CD8B: variants seen among roughly 807,000 people sequenced by gnomAD.
CD8B encodes the protein T-cell surface glycoprotein CD8 beta chain.
A neutral mutation model predicts 24.2 loss-of-function variants in CD8B; 6 were observed. The observed-to-expected ratio is 0.25, with a 90% CI of 0.14 to 0.49. The LOEUF is 0.49. Among genes scored for constraint, CD8B ranks in the 20% least tolerant of loss-of-function variants. CD8B has a pLI of 0.98. For missense variants in CD8B, 196 were observed against 271.3 expected (o/e 0.72, Z 1.95); for synonymous variants, 84 against 108.3 (o/e 0.78, Z 1.39).
chr2:86,821,875 C>T lies in CD8B; in HGVS notation c.621-6157G>A, dbSNP rs986538720. 4.6e-5 allele frequency: 12 copies of T among 262,116 alleles called. No homozygotes were observed. The Admixed American group carries it at 4.7e-4, about 10-fold the overall frequency. The allele number at this position is 262,116 out of a possible 1,614,324, so 16.2% of individuals were successfully genotyped here. A position where few individuals can be genotyped will look rare whatever the true frequency, so the allele number is the denominator to read the frequency against. On this transcript the variant is annotated intron_variant, in intron 5 of 5. Coordinates refer to the CD8B transcript ENST00000331469. ...CCTGGTTAATTCCTTCGCTCCAGCT[C>T]GTTCTGCCTTCTTTCTTTCTTTGCC...
Position 86,840,406 on chromosome 2 carries a change from C to A in CD8B, c.*1901G>T, listed in dbSNP as rs1436046269. On this transcript the variant is annotated 3_prime_UTR_variant, in exon 6 of 6. Transcript: ENST00000390655. ...GATCAAAGGCTACTCTCCCTACAAC[C>A]CTCCCCCTTCCACTGCATCTCAGAT... Among the ~76,000 whole-genome samples the A allele has an allele frequency of 1.3e-5, 2 of 152,344 alleles. No homozygotes were observed. The highest frequency in any genetic ancestry group is 6.5e-5 in the Admixed American group (1 of 15,304).
At chr2:86,846,406 C>T (rs2104551295) in intron 4 of CD8B, among the ~76,000 whole-genome samples, 1 of 152,152 alleles carries the variant, frequency 6.6e-6, no homozygotes, top group African/African-American at 2.4e-5. Context: ...GTCCTACCCC[C>T]ATCTGAGGCA....
chr2:86,819,585 T>A (rs1251804394), intron 5 of CD8B, among the ~76,000 whole-genome samples: 5 of 152,234 alleles, frequency 3.3e-5, no homozygotes, highest in African/African-American at 1.2e-4. Context: ...TAAAGCCCAC[T>A]GTTGAGACTC....
Position 86,861,833 on chromosome 2 carries a change from C to A in CD8B, c.33G>T (p.Ala11=), listed in dbSNP as rs1323111327. Residue 11 remains alanine, a synonymous_variant, in exon 1 of 6, where the codon GCG becomes GCT. Coordinates refer to ENST00000390655, the MANE Select transcript of CD8B (RefSeq NM_004931.5). ...GCGCCGCCGCCTTACCTGTCAGCTG[C>A]GCGGCCAAGAGGAGCCACAGCCGCG... The part of the protein sequence containing the change: MRPRLWLLLA[A]QLTVLHGNSV... 7.8e-7 allele frequency: 1 copy of A among 1,282,180 alleles called. No homozygotes were observed. The highest frequency in any genetic ancestry group is 9.8e-7 in the Non-Finnish European group (1 of 1,015,936). The allele number at this position is 1,282,180 out of a possible 1,614,324, so 79.4% of individuals were successfully genotyped here. A position where few individuals can be genotyped will look rare whatever the true frequency, so the allele number is the denominator to read the frequency against.
At chr2:86,846,883 A>C in intron 3 of CD8B, 110 bp from the exon 4 acceptor site, 2 of 643,144 alleles carry the variant, frequency 3.1e-6, no homozygotes, top group East Asian at 6.0e-5. Flanking sequence ...CCTCCCAGAG[A>C]ATACCACCAT....
chr2:86,843,716 T>C, intron 5 of CD8B: 5 of 984,556 alleles, frequency 5.1e-6, no homozygotes, highest in Non-Finnish European at 4.8e-6. Flanking sequence ...GCTTGTGCTC[T>C]GACTCCGGGG....
At position 86,850,241 on chromosome 2, in the gene CD8B, C is replaced by T. The variant is rs114882227; in HGVS notation, c.493+2756G>A. Reference sequence around the variant, plus strand: ...ATTTGCCAGAGCCACACCAACGACACCCCCAGCCCAGCCTTCCTCATCTTA... The same window carrying T: ...ATTTGCCAGAGCCACACCAACGACATCCCCAGCCCAGCCTTCCTCATCTTA... On this transcript the variant is annotated intron_variant, in intron 3 of 5. Coordinates refer to ENST00000390655, the MANE Select transcript of CD8B (RefSeq NM_004931.5). Among the ~76,000 whole-genome samples, 705 of 152,230 alleles carry T rather than the reference C, an allele frequency of 4.6e-3. 3 individuals carry two copies. Among genetic ancestry groups the T allele is most frequent in the African/African-American group, 0.016 (677 of 41,534 alleles).
In CD8B at chr2:86,860,952, G is replaced by C. The variant is rs1248461187; in HGVS notation, c.43+871C>G. 5.3e-5 allele frequency among the ~76,000 whole-genome samples: 8 copies of C among 152,178 alleles called. No homozygotes were observed. The South Asian group carries it at 1.2e-3, about 24-fold the overall frequency. ...CCAGGCCTCACTGCATGTTCCCCTC[G>C]GTAACCCAGGAATTCCATTCTCAGA... On this transcript the variant is annotated intron_variant, in intron 1 of 5. Transcript: ENST00000390655.
chr2:86,842,536 C>G (rs566769270), intron 5 of CD8B, among the ~76,000 whole-genome samples: 283 of 152,252 alleles, frequency 1.9e-3, no homozygotes, highest in Non-Finnish European at 3.3e-3. Context: ...GCTCAAAGAA[C>G]GGTAGCTTTG....
chr2:86,822,269 G>T, intron 5 of CD8B: 1 of 977,644 alleles, frequency 1.0e-6, no homozygotes, highest in Non-Finnish European at 1.6e-6. Flanking sequence ...TTTCAGGTAA[G>T]AGTCATGATG....
At chr2:86,835,421 G>C (rs149240335), downstream of CD8B, among the ~76,000 whole-genome samples, 191 of 152,294 alleles carry the variant, frequency 1.3e-3, 5 homozygotes, top group East Asian at 0.03. Context: ...GGCCCAGCTA[G>C]AGCCTTCGTG....
downstream of CD8B, among the ~76,000 whole-genome samples, chr2:86,838,047 C>T (rs1347462953): frequency 6.6e-6 from 1 of 152,188 alleles, no homozygotes. Context: ...TGTCTGGCCA[C>T]CTCGGACCTG....
chr2:86,823,184 G>T (rs891260061), intron 5 of CD8B, among the ~76,000 whole-genome samples: 1 of 151,902 alleles, frequency 6.6e-6, no homozygotes, highest in South Asian at 2.1e-4. Context: ...TTTCTCTGAC[G>T]AATTCAGAGA....
At chr2:86,853,895 G>C (rs1676100857) in intron 2 of CD8B, among the ~76,000 whole-genome samples, 1 of 151,830 alleles carries the variant, frequency 6.6e-6, no homozygotes, top group African/African-American at 2.4e-5. Context: ...TCGTGCCACT[G>C]CATTCGTCTA....
At chr2:86,853,883 C>T (rs930199482) in intron 2 of CD8B, among the ~76,000 whole-genome samples, 3 of 151,910 alleles carry the variant, frequency 2.0e-5, no homozygotes, top group African/African-American at 4.8e-5. Flanking sequence ...CCACTGCATT[C>T]GTCGTGCCAC....
intron 3 of CD8B, among the ~76,000 whole-genome samples, chr2:86,852,753 T>C (rs1333906577): frequency 6.6e-6 from 1 of 152,218 alleles, no homozygotes; most frequent in Non-Finnish European, 1.5e-5. Context: ...TGGACATTTG[T>C]GTGCAGGGGT....
In CD8B at chr2:86,842,171, A is replaced by G. The variant is rs1675463930; in HGVS notation, c.*136T>C. 5 of 1,490,410 alleles carry G rather than the reference A, an allele frequency of 3.4e-6. No individual in the cohort carries two copies. The South Asian group carries it at 5.7e-5, about 17-fold the overall frequency. The allele number at this position is 1,490,410 out of a possible 1,614,324, so 92.3% of individuals were successfully genotyped here. A position where few individuals can be genotyped will look rare whatever the true frequency, so the allele number is the denominator to read the frequency against. ...CACATCACACACAGAAAGGCCTTGC[A>G]GCAGTGAAAAGCAGGCAGCTTCAGC... is the stretch of plus-strand genomic sequence containing the variant. On this transcript the variant is annotated 3_prime_UTR_variant, in exon 6 of 6. Coordinates refer to ENST00000390655, the MANE Select transcript of CD8B (RefSeq NM_004931.5).
In CD8B at chr2:86,840,447, C is replaced by G. The variant is rs1038010976; in HGVS notation, c.*1860G>C. 4.6e-5 allele frequency among the ~76,000 whole-genome samples: 7 copies of G among 152,214 alleles called. No homozygotes were observed. The highest frequency in any genetic ancestry group is 8.8e-5 in the Non-Finnish European group (6 of 68,042). On this transcript the variant is annotated 3_prime_UTR_variant, in exon 6 of 6. Transcript: ENST00000390655. ...CATCTCAGATGGAAAGGGAGACGGC[C>G]CTGGATTGACCACAGACCAAGCACG...
chr2:86,841,923 C>G lies in CD8B; in HGVS notation c.*384G>C. On this transcript the variant is annotated 3_prime_UTR_variant, in exon 6 of 6. Coordinates refer to ENST00000390655, the MANE Select transcript of CD8B (RefSeq NM_004931.5). ...GCCCAGCATCACCCCATGAAAGACCCAGGACCCAATGTTACTGCCCTACCA... is the reference window on the plus strand; with the variant it reads ...GCCCAGCATCACCCCATGAAAGACCGAGGACCCAATGTTACTGCCCTACCA... 4.0e-6 allele frequency: 4 copies of G among 1,006,514 alleles called. No individual in the cohort carries two copies. Among genetic ancestry groups the G allele is most frequent in the Non-Finnish European group, 4.7e-6 (4 of 844,200 alleles). 62.3% of individuals were successfully genotyped at this position (1,006,514 alleles called of 1,614,324 possible). A position where few individuals can be genotyped will look rare whatever the true frequency, so the allele number is the denominator to read the frequency against.
Sources: gnomAD v4.1 joint callset for allele counts (sites outside exome capture counted in the v4.1 genomes callset) on GRCh38, gnomAD v4.1.1 for gene constraint, MANE v1.5 for transcripts, NCBI Gene and HGNC (gene_info 2026-07-23, HGNC 2026-07-21) for gene names.